Variants in RBFOX3 observed in about 807,000 individuals in gnomAD.
The protein encoded by RBFOX3 is RNA binding fox-1 homolog 3.
In RBFOX3, 17 loss-of-function variants were observed where a neutral mutation model predicts 48.7. That is an observed-to-expected ratio of 0.35 (90% CI 0.24 to 0.52). The LOEUF (loss-of-function observed/expected upper bound fraction) is 0.52, where lower values mean the gene tolerates loss of function less well. Among genes scored for constraint, RBFOX3 ranks in the 20% least tolerant of loss-of-function variants. RBFOX3 has a pLI of 0.94. For synonymous variants in RBFOX3, 212 were observed against 209.5 expected, an observed-to-expected ratio of 1.01 and a Z score of -0.10; for missense variants, 382 against 497.5, an observed-to-expected ratio of 0.77 and a Z score of 2.21.
chr17:79,266,255 T>C (rs1369423421), intron 3 of RBFOX3, among the ~76,000 whole-genome samples: 1 of 152,222 alleles, frequency 6.6e-6, no homozygotes, highest in Non-Finnish European at 1.5e-5. Flanking sequence ...GAGCCTGGAC[T>C]TCTTGGCACA....
intron 1 of RBFOX3, among the ~76,000 whole-genome samples, chr17:79,486,736 T>C (rs1170788845): frequency 6.6e-6 from 1 of 152,134 alleles, no homozygotes; most frequent in Admixed American, 6.5e-5. Flanking sequence ...ATGAGGAGTG[T>C]CCTACAAAGG....
In RBFOX3 at chr17:79,477,480, C is replaced by T. The variant is rs1264474504; in HGVS notation, c.-175+4974G>A. Among the ~76,000 whole-genome samples, 32 of 151,780 alleles carry T rather than the reference C, an allele frequency of 2.1e-4. No homozygotes were observed. Among genetic ancestry groups the T allele is most frequent in the Non-Finnish European group, 3.4e-4 (23 of 67,946 alleles). ...CTGAGGCAGGAGAATGGCGTGAACC[C>T]GGGAGGCGGAGTTTGCAGTGAGCTG... is the stretch of plus-strand genomic sequence containing the variant. On this transcript the variant is annotated intron_variant, in intron 2 of 14. Transcript: ENST00000693108. The surrounding 1 kb of genome is among the most constrained non-coding windows in gnomAD (Gnocchi z 4.8).
At position 79,214,114 on chromosome 17, in the gene RBFOX3, CAAGTGAACTTCTTTGGT is replaced by C. The variant is rs2058713804; in HGVS notation, c.-34+21635_-34+21651del. ...TAGGAGGGACTGAAATAAATGGAGT[CAAGTGAACTTCTTTGGT>C]AAACCATGATGGATCTCTCTTTAGG... On this transcript the variant is annotated intron_variant, in intron 4 of 14. Coordinates refer to ENST00000693108, the MANE Select transcript of RBFOX3 (RefSeq NM_001350451.2). This position sits in a 1 kb window ranked among gnomAD's most constrained non-coding sequence, Gnocchi z 4.7. Among the ~76,000 whole-genome samples the C allele has an allele frequency of 6.6e-6, 1 of 152,190 alleles. No individual in the cohort carries two copies. Among genetic ancestry groups the C allele is most frequent in the African/African-American group, 2.4e-5 (1 of 41,436 alleles).
the RBFOX3 span, among the ~76,000 whole-genome samples, chr17:79,657,512 C>G: frequency 0.016 from 2,365 of 152,296 alleles, 61 homozygotes; most frequent in African/African-American, 0.054. Flanking sequence ...AACCCTGTCT[C>G]TACTAAAAAT....
chr17:79,101,546 T>C, intron 9 of RBFOX3, 38 bp downstream of exon 9: 1 of 1,523,662 alleles, frequency 6.6e-7, no homozygotes, highest in Non-Finnish European at 8.9e-7. Context: ...TCCCAGCCAG[T>C]GACCCCAGCA....
chr17:79,298,507 A>T (rs1414041175), intron 3 of RBFOX3: 2 of 152,254 alleles, frequency 1.3e-5, no homozygotes. Context: ...TGCAGCGGTC[A>T]ACAAGCCAAC....
chr17:79,563,879 C>T lies in RBFOX3; in HGVS notation c.-320+46947G>A, dbSNP rs1348897535. 2.6e-5 allele frequency among the ~76,000 whole-genome samples: 4 copies of T among 152,176 alleles called. No homozygotes were observed. The South Asian group carries it at 6.2e-4, about 24-fold the overall frequency. ...ACCAGAGGATGGAGTTGAGGAAGTT[C>T]TCCCATGAGTCATAAAAGCATTCTT... On this transcript the variant is annotated intron_variant, in intron 1 of 14. Transcript: ENST00000693108.
At chr17:79,539,021 A>G (rs1413801070) in intron 1 of RBFOX3, among the ~76,000 whole-genome samples, 1 of 152,176 alleles carries the variant, frequency 6.6e-6, no homozygotes, top group African/African-American at 2.4e-5. Flanking sequence ...TGCAATTAAA[A>G]TGCTGAGATG....
rs932751266 is a variant in RBFOX3, at chr17:79,252,409, C to A, written c.-73-16604G>T. Among the ~76,000 whole-genome samples, 1 of 152,156 alleles carries A rather than the reference C, an allele frequency of 6.6e-6. No homozygotes were observed. Among genetic ancestry groups the A allele is most frequent in the African/African-American group, 2.4e-5 (1 of 41,434 alleles). Reference sequence around the variant, plus strand: ...TATTTCAGTGAATGGATCTATCACCCGTCCAAGTGAGCAAGTCAGCTGGGG... The same window carrying A: ...TATTTCAGTGAATGGATCTATCACCAGTCCAAGTGAGCAAGTCAGCTGGGG... On this transcript the variant is annotated intron_variant, in intron 3 of 14. Transcript: ENST00000693108. The surrounding 1 kb of genome is among the most constrained non-coding windows in gnomAD (Gnocchi z 4.0).
chr17:79,526,646 C>T (rs2086840821), intron 1 of RBFOX3, among the ~76,000 whole-genome samples: 1 of 152,210 alleles, frequency 6.6e-6, no homozygotes, highest in African/African-American at 2.4e-5. Context: ...GCACCACCGT[C>T]CCAGACAAAC....
chr17:79,245,625 T>C (rs1229596379), intron 3 of RBFOX3, among the ~76,000 whole-genome samples: 1 of 122,242 alleles, frequency 8.2e-6, no homozygotes, highest in Non-Finnish European at 1.6e-5. Context: ...AGGTGAACAT[T>C]TGGATTTTTT....
chr17:79,112,104 A>G (rs1265799953), intron 5 of RBFOX3, among the ~76,000 whole-genome samples: 2 of 152,150 alleles, frequency 1.3e-5, no homozygotes, highest in Non-Finnish European at 2.9e-5. Flanking sequence ...CTGGACGGTG[A>G]AAAGAGGTGT....
intron 1 of RBFOX3, among the ~76,000 whole-genome samples, chr17:79,560,344 A>T (rs1473290979): frequency 6.6e-6 from 1 of 152,188 alleles, no homozygotes; most frequent in African/African-American, 2.4e-5. Flanking sequence ...GAACCCATGC[A>T]GGTATTCATG....
At chr17:79,378,187 A>C (rs1598436450) in intron 2 of RBFOX3, among the ~76,000 whole-genome samples, 1 of 151,978 alleles carries the variant, frequency 6.6e-6, no homozygotes, top group African/African-American at 2.4e-5. Context: ...CCTGGAAAGC[A>C]CCGAGCCTCC....
rs553305298 is a variant in RBFOX3 at position 79,392,052 on chromosome 17, C to A, written c.-174-84228G>T. ...CTTGGAAACAGACACCGACAAGCAACAGGGTTCCCATAGTGCCCGGGCACT... is the reference window on the plus strand; with the variant it reads ...CTTGGAAACAGACACCGACAAGCAAAAGGGTTCCCATAGTGCCCGGGCACT... On this transcript the variant is annotated intron_variant, in intron 2 of 14. Coordinates refer to ENST00000693108, the MANE Select transcript of RBFOX3 (RefSeq NM_001350451.2). The surrounding 1 kb of genome is among the most constrained non-coding windows in gnomAD (Gnocchi z 5.0). Among the ~76,000 whole-genome samples, 1 of 152,240 alleles carries A rather than the reference C, an allele frequency of 6.6e-6. No individual in the cohort carries two copies. Among genetic ancestry groups the A allele is most frequent in the Non-Finnish European group, 1.5e-5 (1 of 68,042 alleles).
rs569948632 is a variant in RBFOX3 at position 79,124,366 on chromosome 17, G to A, written c.-33-8618C>T. ...GTGTGGCAGATAAATGACACTGAAC[G>A]AGGCTGTCTGCAAAGACTGCACTCG... On this transcript the variant is annotated intron_variant, in intron 4 of 14. Transcript: ENST00000693108. Among the ~76,000 whole-genome samples, 15 of 152,344 alleles carry A rather than the reference G, an allele frequency of 9.8e-5. No homozygotes were observed. The East Asian group carries it at 2.3e-3, about 23-fold the overall frequency.
intron 4 of RBFOX3, among the ~76,000 whole-genome samples, chr17:79,194,786 C>T (rs879757696): frequency 9.7e-5 from 13 of 134,272 alleles, no homozygotes; most frequent in Non-Finnish European, 1.9e-4. Context: ...GTGTGAAATG[C>T]ACATGGGATT....
intron 1 of RBFOX3, among the ~76,000 whole-genome samples, chr17:79,485,643 A>G (rs7212561): frequency 0.62 from 94,137 of 151,844 alleles, 29,948 homozygotes; most frequent in East Asian, 0.78. Context: ...CTCACAGGAG[A>G]TTATTTCATT....
chr17:79,664,131 G>A, the RBFOX3 span, among the ~76,000 whole-genome samples: 1 of 151,852 alleles, frequency 6.6e-6, no homozygotes, highest in Non-Finnish European at 1.5e-5. Flanking sequence ...GGAATACTCT[G>A]CTTTTTTTAA....
Sources: allele counts gnomAD v4.1 joint callset (sites outside exome capture counted in the v4.1 genomes callset), GRCh38; gene constraint gnomAD v4.1.1; non-coding constraint Gnocchi (gnomAD v3.1); transcripts MANE v1.5; gene names NCBI Gene and HGNC (gene_info 2026-07-23, HGNC 2026-07-21).